Variants in USP18 observed in about 807,000 individuals in gnomAD.
USP18 encodes ubl carboxyl-terminal hydrolase 18.
A neutral mutation model predicts 48.7 loss-of-function variants in USP18; 11 were observed. That is an observed-to-expected ratio of 0.23 (90% confidence interval 0.14 to 0.37). The LOEUF (loss-of-function observed/expected upper bound fraction) is 0.37, where lower values mean the gene tolerates loss of function less well. Ranked by LOEUF, USP18 falls within the 10% of genes least tolerant of loss-of-function variation. USP18 has a pLI of 1.00. For synonymous variants in USP18, 114 were observed against 163.2 expected, an observed-to-expected ratio of 0.70 and a Z score of 2.30; for missense variants, 285 against 436.4, an observed-to-expected ratio of 0.65 and a Z score of 3.09.
intron 1 of USP18, among the ~76,000 whole-genome samples, chr22:18,151,925 G>A (rs1929008949): frequency 6.6e-6 from 1 of 152,138 alleles, no homozygotes; most frequent in Admixed American, 6.5e-5. Flanking sequence ...GTGGCGGCAG[G>A]CGCCTGTAGT....
At chr22:18,163,652 G>T (rs929174865) in intron 4 of USP18, among the ~76,000 whole-genome samples, 1 of 131,262 alleles carries the variant, frequency 7.6e-6, no homozygotes, top group Non-Finnish European at 1.7e-5. Flanking sequence ...CAGAAAAAAA[G>T]AAAAAAAAAA....
At chr22:18,164,080 C>T (rs1371891150) in intron 4 of USP18, among the ~76,000 whole-genome samples, 2 of 152,262 alleles carry the variant, frequency 1.3e-5, no homozygotes, top group Admixed American at 6.5e-5. Flanking sequence ...AGGGGCCTAG[C>T]GAATGCTGGC....
In USP18 at chr22:18,164,950, C is replaced by A. The variant is rs577879321; in HGVS notation, c.401-2305C>A. 2.1e-3 allele frequency among the ~76,000 whole-genome samples: 317 copies of A among 152,214 alleles called. 1 individual carries two copies. Among genetic ancestry groups the A allele is most frequent in the Non-Finnish European group, 3.9e-3 (262 of 68,020 alleles). ...TGTGTCTGGGGTGGGGCTTGTGGTG[C>A]GAGTGTGTCTCAGCTTTTCCAACCG... is the stretch of plus-strand genomic sequence containing the variant. On this transcript the variant is annotated intron_variant, in intron 4 of 10. Coordinates refer to ENST00000215794, the MANE Select transcript of USP18 (RefSeq NM_017414.4).
intron 10 of USP18, among the ~76,000 whole-genome samples, chr22:18,174,574 G>A (rs570071399): frequency 3.9e-5 from 6 of 152,080 alleles, no homozygotes; most frequent in East Asian, 1.9e-4. Flanking sequence ...CTTTTACAGC[G>A]AAGATCTTTT....
chr22:18,151,316 C>T (rs1015490769), intron 1 of USP18, among the ~76,000 whole-genome samples: 6 of 152,154 alleles, frequency 3.9e-5, no homozygotes, highest in African/African-American at 1.2e-4. Context: ...AAAGCAGAGG[C>T]TTTAATTTGT....
chr22:18,168,649 C>T (rs1929548217), intron 6 of USP18, among the ~76,000 whole-genome samples: 1 of 152,202 alleles, frequency 6.6e-6, no homozygotes, highest in Non-Finnish European at 1.5e-5. Flanking sequence ...CTGCCTCAGC[C>T]TCCCTGGGAT....
At chr22:18,153,799 G>A (rs1394365455) in intron 1 of USP18, among the ~76,000 whole-genome samples, 1 of 151,964 alleles carries the variant, frequency 6.6e-6, no homozygotes, top group Non-Finnish European at 1.5e-5. Context: ...ACATATGAGT[G>A]TGAACATGTG....
chr22:18,156,014 G>T (rs1057295237), intron 1 of USP18, among the ~76,000 whole-genome samples: 5 of 152,332 alleles, frequency 3.3e-5, no homozygotes, highest in Admixed American at 3.3e-4. Context: ...ATACCAATCG[G>T]CACTCTGTAT....
intron 2 of USP18, among the ~76,000 whole-genome samples, chr22:18,158,033 TAATC>T (rs1408206401): frequency 6.6e-6 from 1 of 152,204 alleles, no homozygotes; most frequent in Non-Finnish European, 1.5e-5. Context: ...CTCATGCCTG[TAATC>T]CCAGCAGTTT....
At chr22:18,164,632 C>T (rs977250869) in intron 4 of USP18, among the ~76,000 whole-genome samples, 5 of 151,936 alleles carry the variant, frequency 3.3e-5, no homozygotes, top group African/African-American at 1.2e-4. Context: ...TAGGAGAGCC[C>T]GCAGACATAT....
At chr22:18,163,544 G>A (rs561789488) in intron 4 of USP18, among the ~76,000 whole-genome samples, 1 of 152,076 alleles carries the variant, frequency 6.6e-6, no homozygotes, top group East Asian at 1.9e-4. Context: ...TCGGGAGGCT[G>A]AGGAAGGAGA....
intron 6 of USP18, among the ~76,000 whole-genome samples, chr22:18,168,619 C>T (rs1416668743): frequency 4.6e-5 from 7 of 152,148 alleles, no homozygotes; most frequent in Non-Finnish European, 1.0e-4. Flanking sequence ...TGGTCTGAAA[C>T]TCCTGACTTC....
At chr22:18,175,748 G>A (rs1929767115) in intron 10 of USP18, among the ~76,000 whole-genome samples, 1 of 148,096 alleles carries the variant, frequency 6.8e-6, no homozygotes, top group African/African-American at 2.6e-5. Context: ...GCCGAGGCAG[G>A]AGGATCACTT....
At chr22:18,173,757 G>C (rs765585103) in intron 9 of USP18, 36 bp from the exon 10 acceptor site, 2 of 1,605,360 alleles carry the variant, frequency 1.2e-6, no homozygotes, top group Non-Finnish European at 1.7e-6. Context: ...GCTTGTGTCA[G>C]CTGGCTGCTT....
chr22:18,164,592 T>C (rs1490473035), intron 4 of USP18, among the ~76,000 whole-genome samples: 2 of 151,682 alleles, frequency 1.3e-5, no homozygotes, highest in Non-Finnish European at 2.9e-5. Context: ...AGGCCAGTTA[T>C]TAATAGAAGC....
chr22:18,160,767 C>CTT (rs951642767), intron 3 of USP18, among the ~76,000 whole-genome samples: 45 of 114,446 alleles, frequency 3.9e-4, no homozygotes, highest in African/African-American at 1.1e-3. Context: ...AGTATTGGTA[C>CTT]TTTTTTTTTT....
intron 3 of USP18, among the ~76,000 whole-genome samples, chr22:18,160,504 G>A (rs868712298): frequency 4.2e-4 from 64 of 151,720 alleles, no homozygotes; most frequent in African/African-American, 8.2e-4. Flanking sequence ...GGGTTTCACC[G>A]TGTTAGCCAG....
In USP18 at chr22:18,167,920, C is replaced by T. The variant is rs367617113; in HGVS notation, c.511C>T (p.Arg171Trp). ...GAGACTGCAGGCCCTGTATACGATC[C>T]GGGTGAAGGACTCCTTGATTTGCGT... Reference protein sequence around the residue: ...VERLQALYTIRVKDSLICVDC... With the variant: ...VERLQALYTIWVKDSLICVDC... The change falls in exon 6 of 11, where the codon CGG (arginine) becomes TGG (tryptophan). Residue 171 changes from arginine to tryptophan, a missense_variant. By Grantham distance (101) the Arg-to-Trp change is moderately radical. Coordinates refer to ENST00000215794, the MANE Select transcript of USP18 (RefSeq NM_017414.4). The T allele has an allele frequency of 1.1e-4, 176 of 1,613,804 alleles. No individual in the cohort carries two copies. The highest frequency in any genetic ancestry group is 1.4e-4 in the Non-Finnish European group (160 of 1,180,002).
intron 2 of USP18, among the ~76,000 whole-genome samples, chr22:18,159,293 T>A (rs374413109): frequency 6.6e-5 from 10 of 152,236 alleles, no homozygotes; most frequent in African/African-American, 2.2e-4. Flanking sequence ...TGACCTCAGG[T>A]GGTCTTCCCG....
Sources: gnomAD v4.1 joint callset for allele counts (sites outside exome capture counted in the v4.1 genomes callset) on GRCh38, gnomAD v4.1.1 for gene constraint, MANE v1.5 for transcripts, NCBI Gene and HGNC (gene_info 2026-07-23, HGNC 2026-07-21) for gene names.